DAW1: variants seen among roughly 807,000 people sequenced by gnomAD.
The protein encoded by DAW1 is dynein assembly factor with WD repeats 1.
A neutral mutation model predicts 56.5 loss-of-function variants in DAW1; 47 were observed. The observed-to-expected ratio is 0.83, with a 90% CI of 0.66 to 1.06. The LOEUF (loss-of-function observed/expected upper bound fraction) is 1.06, where lower values mean the gene tolerates loss of function less well. DAW1 is among the 50% of genes least tolerant of loss of function. The pLI, the probability that DAW1 is intolerant of heterozygous loss-of-function variation, is 0.00. For missense variants in DAW1, 505 were observed against 499.3 expected (o/e 1.01, Z -0.11); for synonymous variants, 190 against 179.0 (o/e 1.06, Z -0.49).
rs563979421 is a variant in DAW1 at position 227,879,748 on chromosome 2, C to T, written c.41-5603C>T. Among the ~76,000 whole-genome samples the T allele has an allele frequency of 2.6e-5, 4 of 151,922 alleles. No homozygotes were observed. In the East Asian group the frequency reaches 7.7e-4, roughly 29 times the overall value. On this transcript the variant is annotated intron_variant, in intron 1 of 12. Transcript: ENST00000309931. ...TATTTTATTAACTTTTCAAAAAATC[C>T]AACTGATTATTACATCATTTATTGA...
At chr2:227,900,282 A>T (rs749231478) in intron 6 of DAW1, among the ~76,000 whole-genome samples, 3 of 151,866 alleles carry the variant, frequency 2.0e-5, no homozygotes, top group Non-Finnish European at 4.4e-5. Flanking sequence ...ATTTTTGCAC[A>T]CTCCTTTAGA....
chr2:227,881,766 TTTTTGA>T (rs1691016442), intron 1 of DAW1, among the ~76,000 whole-genome samples: 1 of 140,840 alleles, frequency 7.1e-6, no homozygotes, highest in African/African-American at 2.9e-5. Flanking sequence ...TTTTTTTTTT[TTTTTGA>T]GATAGAGTTT....
chr2:227,918,753 A>G (rs1393086759), intron 10 of DAW1, 27 bp from the exon 11 acceptor site: 3 of 1,611,306 alleles, frequency 1.9e-6, no homozygotes, highest in Middle Eastern at 1.6e-4. Flanking sequence ...AGATGAATTT[A>G]TATATATCCC....
chr2:227,900,252 T>C (rs1691508145), intron 6 of DAW1, among the ~76,000 whole-genome samples: 1 of 152,208 alleles, frequency 6.6e-6, no homozygotes, highest in Admixed American at 6.5e-5. Flanking sequence ...AAACATAATG[T>C]GTGTCCTTAG....
At chr2:227,877,155 A>C (rs1401549263) in intron 1 of DAW1, among the ~76,000 whole-genome samples, 1 of 152,186 alleles carries the variant, frequency 6.6e-6, no homozygotes, top group East Asian at 1.9e-4. Flanking sequence ...GAAGAAAAGC[A>C]TGTATTTCTG....
At chr2:227,895,711 A>G (rs1327930358) in intron 5 of DAW1, 1 of 152,240 alleles carries the variant, frequency 6.6e-6, no homozygotes, top group African/African-American at 2.4e-5. Flanking sequence ...GCGTGAGGTC[A>G]GAGCATTCAG....
rs1375185522 is a variant in DAW1 at position 227,904,872 on chromosome 2, G to C, written c.649-57G>C. ...TTCCTTTTAGACTATGATATTGTACGCTTGCAGAAATTGTTTTATCTGCAG... is the reference window on the plus strand; with the variant it reads ...TTCCTTTTAGACTATGATATTGTACCCTTGCAGAAATTGTTTTATCTGCAG... On this transcript the variant is annotated intron_variant, in intron 7 of 12. Coordinates refer to ENST00000309931, the MANE Select transcript of DAW1 (RefSeq NM_178821.3). 3.4e-6 allele frequency: 5 copies of C among 1,475,762 alleles called. No homozygotes were observed. The Admixed American group carries it at 8.7e-5, about 26-fold the overall frequency. The allele number at this position is 1,475,762 out of a possible 1,614,324, so 91.4% of individuals were successfully genotyped here. A position where few individuals can be genotyped will look rare whatever the true frequency, so the allele number is the denominator to read the frequency against.
In DAW1 at chr2:227,890,402, G is replaced by T. The variant is rs114860476; in HGVS notation, c.258+402G>T. On this transcript the variant is annotated intron_variant, in intron 3 of 12. Transcript: ENST00000309931. Reference sequence around the variant, plus strand: ...CCATATTTCAGTAAATTATTTATTTGTATGACATATAATTTTAATGTGATG... The same window carrying T: ...CCATATTTCAGTAAATTATTTATTTTTATGACATATAATTTTAATGTGATG... 9.7e-3 allele frequency among the ~76,000 whole-genome samples: 1,482 copies of T among 152,114 alleles called. 25 individuals carry two copies. Among genetic ancestry groups the T allele is most frequent in the African/African-American group, 0.034 (1,398 of 41,522 alleles).
chr2:227,876,228 G>A (rs1305657013), intron 1 of DAW1, among the ~76,000 whole-genome samples: 1 of 152,180 alleles, frequency 6.6e-6, no homozygotes, highest in Non-Finnish European at 1.5e-5. Flanking sequence ...CACCGTGTTA[G>A]CCAGGATGGT....
intron 11 of DAW1, among the ~76,000 whole-genome samples, chr2:227,920,521 C>T (rs1692079255): frequency 1.3e-5 from 2 of 152,074 alleles, no homozygotes; most frequent in African/African-American, 2.4e-5. Context: ...ACCTGGCACA[C>T]GGGAGGCACA....
intron 10 of DAW1, among the ~76,000 whole-genome samples, chr2:227,914,859 A>G (rs1056774632): frequency 2.0e-5 from 3 of 152,114 alleles, no homozygotes; most frequent in African/African-American, 7.2e-5. Context: ...ATCACATGAT[A>G]TGTTTACATC....
intron 10 of DAW1, chr2:227,912,354 G>A (rs531091620): frequency 2.4e-5 from 31 of 1,304,212 alleles, no homozygotes; most frequent in South Asian, 1.9e-4. Flanking sequence ...TGCCTCAGCC[G>A]CCCGAGTTAT....
At chr2:227,905,915 T>C (rs559289001) in intron 8 of DAW1, among the ~76,000 whole-genome samples, 2 of 152,254 alleles carry the variant, frequency 1.3e-5, no homozygotes, top group African/African-American at 2.4e-5. Flanking sequence ...CCACCACGCC[T>C]GGCTAATTTT....
At chr2:227,906,663 T>G (rs544791236) in intron 9 of DAW1, among the ~76,000 whole-genome samples, 2 of 152,336 alleles carry the variant, frequency 1.3e-5, no homozygotes, top group South Asian at 2.1e-4. Flanking sequence ...ACACAGTGTT[T>G]CCTTGTCCCT....
In DAW1 at chr2:227,879,366, CTGTCTT is replaced by C. The variant is rs1349112500; in HGVS notation, c.41-5981_41-5976del. On this transcript the variant is annotated intron_variant, in intron 1 of 12. Coordinates refer to ENST00000309931, the MANE Select transcript of DAW1 (RefSeq NM_178821.3). ...TTTTGGTTTGTTTATTGATCATTGT[CTGTCTT>C]TGTAAGTTGACCGCTCCTGACTTTT... Among the ~76,000 whole-genome samples the C allele has an allele frequency of 1.9e-4, 29 of 152,168 alleles. No homozygotes were observed. In the East Asian group the frequency reaches 5.2e-3, roughly 27 times the overall value.
intron 5 of DAW1, among the ~76,000 whole-genome samples, chr2:227,896,367 G>A (rs948512780): frequency 9.9e-5 from 15 of 152,024 alleles, no homozygotes; most frequent in Middle Eastern, 3.2e-3. Flanking sequence ...GATGTGTTTG[G>A]GTGTCTATCT....
chr2:227,907,767 C>T (rs183702224), intron 10 of DAW1, among the ~76,000 whole-genome samples: 29 of 152,270 alleles, frequency 1.9e-4, no homozygotes, highest in African/African-American at 6.5e-4. Context: ...AGGCTGGTCT[C>T]GAACTCCTGA....
chr2:227,880,813 A>G (rs981857165), intron 1 of DAW1, among the ~76,000 whole-genome samples: 2 of 152,230 alleles, frequency 1.3e-5, no homozygotes, highest in Non-Finnish European at 2.9e-5. Flanking sequence ...GCAGTGTTGA[A>G]GGAGAAGATC....
intron 11 of DAW1, among the ~76,000 whole-genome samples, chr2:227,920,517 C>G (rs1010550514): frequency 3.3e-5 from 5 of 152,170 alleles, no homozygotes. Context: ...CAACACCTGG[C>G]ACACGGGAGG....
Sources: gnomAD v4.1 joint callset for allele counts (sites outside exome capture counted in the v4.1 genomes callset) on GRCh38, gnomAD v4.1.1 for gene constraint, MANE v1.5 for transcripts, NCBI Gene and HGNC (gene_info 2026-07-23, HGNC 2026-07-21) for gene names.